Variants in KLHL32 observed in about 807,000 individuals in gnomAD.
The protein encoded by KLHL32 is kelch like family member 32.
A neutral mutation model predicts 64.8 loss-of-function variants in KLHL32; 35 were observed. The observed-to-expected ratio is 0.54, with a 90% confidence interval of 0.41 to 0.72. KLHL32 has a LOEUF of 0.72. KLHL32 is among the 30% of genes least tolerant of loss of function. KLHL32 has a pLI of 0.00. For missense variants in KLHL32, 589 were observed against 768.5 expected (o/e 0.77, Z 2.76); for synonymous variants, 259 against 281.0 (o/e 0.92, Z 0.78).
intron 3 of KLHL32, among the ~76,000 whole-genome samples, chr6:97,014,146 T>C (rs990421818): frequency 3.3e-5 from 5 of 151,876 alleles, no homozygotes; most frequent in Admixed American, 6.6e-5. Flanking sequence ...TACAAAAAAT[T>C]AGCCGGGCGT....
At chr6:96,939,697 C>T (rs566087456) in intron 1 of KLHL32, among the ~76,000 whole-genome samples, 7 of 151,910 alleles carry the variant, frequency 4.6e-5, no homozygotes, top group Non-Finnish European at 1.0e-4. Flanking sequence ...TGCTGGAGGA[C>T]GGGTAGAGAA....
chr6:96,908,199 A>G, the KLHL32 span, among the ~76,000 whole-genome samples: 1 of 152,224 alleles, frequency 6.6e-6, no homozygotes. Context: ...ATAATGTACA[A>G]GGGAAATAGG....
chr6:97,108,457 T>C (rs1004616321), intron 6 of KLHL32, among the ~76,000 whole-genome samples: 2 of 152,230 alleles, frequency 1.3e-5, no homozygotes, highest in African/African-American at 4.8e-5. Flanking sequence ...CTTACTGTAG[T>C]AGTCTTTAAG....
intron 1 of KLHL32, among the ~76,000 whole-genome samples, chr6:96,930,464 G>A (rs1251734509): frequency 6.6e-6 from 1 of 152,132 alleles, no homozygotes; most frequent in East Asian, 1.9e-4. Context: ...AGATTATGGA[G>A]TTGTTTTAAG....
chr6:97,011,115 A>C (rs1780354098), intron 3 of KLHL32, among the ~76,000 whole-genome samples: 1 of 152,178 alleles, frequency 6.6e-6, no homozygotes, highest in Non-Finnish European at 1.5e-5. Flanking sequence ...GACATGAGGG[A>C]ATTATCATGT....
chr6:97,109,467 T>C (rs922524645), intron 6 of KLHL32, among the ~76,000 whole-genome samples: 1 of 152,212 alleles, frequency 6.6e-6, no homozygotes, highest in Non-Finnish European at 1.5e-5. Flanking sequence ...ACACATGTGA[T>C]GTGGGATGAT....
At chr6:97,000,016 A>G (rs1247480555) in intron 3 of KLHL32, among the ~76,000 whole-genome samples, 2 of 152,156 alleles carry the variant, frequency 1.3e-5, no homozygotes, top group African/African-American at 2.4e-5. Flanking sequence ...TCAGAACCTA[A>G]AGGATGCTTT....
intron 6 of KLHL32, among the ~76,000 whole-genome samples, chr6:97,106,250 G>A (rs1796393299): frequency 6.6e-6 from 1 of 151,956 alleles, no homozygotes; most frequent in African/African-American, 2.4e-5. Flanking sequence ...TGATTAAATT[G>A]CATATTTTAA....
intron 2 of KLHL32, among the ~76,000 whole-genome samples, chr6:96,969,032 G>A (rs1222921173): frequency 6.6e-6 from 1 of 152,056 alleles, no homozygotes; most frequent in Non-Finnish European, 1.5e-5. Context: ...AACTGTAGTC[G>A]GGGTCATTGT....
At chr6:96,974,075 T>C (rs1334840436) in intron 2 of KLHL32, among the ~76,000 whole-genome samples, 2 of 152,042 alleles carry the variant, frequency 1.3e-5, no homozygotes. Context: ...GTTATATTCT[T>C]GGTGATAGGT....
chr6:96,988,809 A>T (rs1368034413), intron 3 of KLHL32, among the ~76,000 whole-genome samples: 1 of 152,200 alleles, frequency 6.6e-6, no homozygotes, highest in African/African-American at 2.4e-5. Context: ...TTGTAGGGAC[A>T]TGGATGAAGA....
chr6:96,982,193 T>A (rs1231449620), intron 3 of KLHL32, among the ~76,000 whole-genome samples: 1 of 152,138 alleles, frequency 6.6e-6, no homozygotes, highest in African/African-American at 2.4e-5. Context: ...TTAAGTCTCT[T>A]TATAGGTCCC....
At chr6:96,991,263 GA>G (rs1256411439) in intron 3 of KLHL32, among the ~76,000 whole-genome samples, 1 of 152,022 alleles carries the variant, frequency 6.6e-6, no homozygotes, top group Non-Finnish European at 1.5e-5. Context: ...ACTAGCAGTG[GA>G]AATGCTCAGC....
At chr6:97,136,092 C>G (rs1799976961) in intron 10 of KLHL32, among the ~76,000 whole-genome samples, 1 of 152,096 alleles carries the variant, frequency 6.6e-6, no homozygotes, top group African/African-American at 2.4e-5. Context: ...TATATTTGAT[C>G]CAAGATTAAT....
intron 3 of KLHL32, among the ~76,000 whole-genome samples, chr6:96,999,217 G>T (rs1415723276): frequency 1.3e-5 from 2 of 152,070 alleles, no homozygotes; most frequent in Non-Finnish European, 2.9e-5. Context: ...GCGACATAGG[G>T]ACACCCCATC....
chr6:96,979,513 T>C (rs1776063131), intron 3 of KLHL32, among the ~76,000 whole-genome samples: 1 of 152,160 alleles, frequency 6.6e-6, no homozygotes, highest in African/African-American at 2.4e-5. Flanking sequence ...GTTTTTATAC[T>C]GGTATCATGC....
chr6:96,906,373 C>G, the KLHL32 span, among the ~76,000 whole-genome samples: 1 of 152,078 alleles, frequency 6.6e-6, no homozygotes, highest in African/African-American at 2.4e-5. Context: ...GGTAAAGAGA[C>G]CGGGAGAATG....
At chr6:96,936,210 A>T (rs1320227613) in intron 1 of KLHL32, among the ~76,000 whole-genome samples, 1 of 152,228 alleles carries the variant, frequency 6.6e-6, no homozygotes, top group South Asian at 2.1e-4. Context: ...AAGGATAAAG[A>T]ATGCTAAGAA....
chr6:97,048,497 C>A (rs1459948074), intron 4 of KLHL32, among the ~76,000 whole-genome samples: 1 of 152,170 alleles, frequency 6.6e-6, no homozygotes. Context: ...CTATCATACT[C>A]TGTTAAGGGA....
Sources: allele counts gnomAD v4.1 joint callset (sites outside exome capture counted in the v4.1 genomes callset), GRCh38; gene constraint gnomAD v4.1.1; transcripts MANE v1.5; gene names NCBI Gene and HGNC (gene_info 2026-07-23, HGNC 2026-07-21).